GPATCH1: variants seen among roughly 807,000 people sequenced by gnomAD.
GPATCH1 encodes G patch domain-containing protein 1.
GPATCH1 carries 73 observed loss-of-function variants against 114.9 expected under a neutral mutation model. The observed-to-expected ratio is 0.64, with a 90% CI of 0.53 to 0.77. The LOEUF is 0.77. Ranked by LOEUF, GPATCH1 falls within the 30% of genes least tolerant of loss-of-function variation. GPATCH1 has a pLI of 0.00. For synonymous variants in GPATCH1, 391 were observed against 428.4 expected (o/e 0.91, Z 1.08); for missense variants, 1,058 against 1,144.3 (o/e 0.92, Z 1.09).
Position 33,126,645 on chromosome 19 carries a change from A to G in GPATCH1, c.2677A>G (p.Lys893Glu), listed in dbSNP as rs1973044367. 1 of 1,614,082 alleles carries G rather than the reference A, an allele frequency of 6.2e-7. No individual in the cohort carries two copies. The highest frequency in any genetic ancestry group is 8.5e-7 in the Non-Finnish European group (1 of 1,179,980). The change falls in exon 19 of 20, where the codon AAA becomes GAA. Residue 893 changes from lysine to glutamate, a missense_variant. Physicochemically the swap from Lys to Glu is moderately conservative, Grantham distance 56. This residue lies in a region of GPATCH1 where 893 missense variants were observed against 977.4 expected (regional missense o/e 0.91). Coordinates refer to ENST00000170564, the MANE Select transcript of GPATCH1 (RefSeq NM_018025.3). ...CAAGCAAAAGAATAAAAAACCAGAG[A>G]AAAGTAGTAGCTCCGAGAGTTCCGA... The part of the protein sequence containing the change: ...KGKQKNKKPE[K>E]SSSSESSDSS...
Position 33,101,513 on chromosome 19 carries a change from G to A in GPATCH1, c.1019G>A (p.Arg340Gln), listed in dbSNP as rs200016315. 1.0e-4 allele frequency: 161 copies of A among 1,592,948 alleles called. 1 individual carries two copies. In the South Asian group the frequency reaches 1.4e-3, roughly 14 times the overall value. ...KNQKESEKDL[R>Q]YVGKILDGFS... ...TTTGTAGAATCAGAGAAAGACCTTC[G>A]GTACGTTGGCAAAATTTTGGATGGA... is the stretch of plus-strand genomic sequence containing the variant. Residue 340 changes from arginine to glutamine, a missense_variant, in exon 9 of 20, where the codon CGG becomes CAG. By Grantham distance (43) the Arg-to-Gln change is conservative. This residue lies in a region of GPATCH1 where 893 missense variants were observed against 977.4 expected (regional missense o/e 0.91). Transcript: ENST00000170564.
rs1046367613 is a variant in GPATCH1, at chr19:33,130,066, G to A, written c.2766-64G>A. On this transcript the variant is annotated intron_variant, in intron 19 of 19. Transcript: ENST00000170564. ...GAGGCCTGGCATTCTCAGCCTCCAC[G>A]GAGCTGTTTGGTTTTTCACTTTAGC... 24 of 1,226,926 alleles carry A rather than the reference G, an allele frequency of 2.0e-5. No homozygotes were observed. In the African/African-American group the frequency reaches 3.0e-4, roughly 15 times the overall value. The allele number at this position is 1,226,926 out of a possible 1,614,324, so 76.0% of individuals were successfully genotyped here.
At position 33,119,086 on chromosome 19, in the gene GPATCH1, C is replaced by T. The variant is rs770047387; in HGVS notation, c.2490C>T (p.Phe830=). The change falls in exon 17 of 20, where the codon TTC becomes TTT. Residue 830 remains phenylalanine, a synonymous_variant. Transcript: ENST00000170564. The part of the protein sequence containing the change: ...QKMQIDEREE[F]GPRLPPVFCP... ...TGCAGATAGATGAAAGAGAAGAGTT[C>T]GGCCCGCGGCTGCCTCCCGTCTTCT... 5.0e-6 allele frequency: 8 copies of T among 1,611,690 alleles called. No homozygotes were observed. The highest frequency in any genetic ancestry group is 4.4e-5 in the South Asian group (4 of 90,948).
At chr19:33,099,293 CAT>C (rs1972697836) in intron 8 of GPATCH1, among the ~76,000 whole-genome samples, 1 of 151,384 alleles carries the variant, frequency 6.6e-6, no homozygotes, top group African/African-American at 2.4e-5. Context: ...TAATATACAA[CAT>C]ATTAATAACA....
At chr19:33,106,984 A>C in intron 10 of GPATCH1, 85 bp downstream of exon 10, 2 of 1,033,218 alleles carry the variant, frequency 1.9e-6, no homozygotes, top group South Asian at 1.5e-5. Context: ...TTCCCACTGA[A>C]GTTTTTTACA....
intron 2 of GPATCH1, among the ~76,000 whole-genome samples, chr19:33,088,523 T>A (rs890280851): frequency 1.3e-5 from 2 of 151,580 alleles, no homozygotes; most frequent in African/African-American, 4.8e-5. Flanking sequence ...TAAAAAAAAA[T>A]ACTTTTAGTA....
At chr19:33,082,951 A>C (rs994560066) in intron 1 of GPATCH1, among the ~76,000 whole-genome samples, 1 of 151,818 alleles carries the variant, frequency 6.6e-6, no homozygotes, top group Non-Finnish European at 1.5e-5. Flanking sequence ...TTAAAAATAG[A>C]GATGAGGCCG....
At position 33,126,628 on chromosome 19, in the gene GPATCH1, A is replaced by G; in HGVS notation, c.2660A>G (p.Lys887Arg). ...HRKHKHKGKQ[K>R]NKKPEKSSSS... ...AAGCACAAACACAAAGGCAAGCAAA[A>G]GAATAAAAAACCAGAGAAAAGTAGT... The change falls in exon 19 of 20, where the codon AAG (lysine) becomes AGG (arginine). Residue 887 changes from lysine to arginine, a missense_variant. By Grantham distance (26) the Lys-to-Arg change is conservative. This residue lies in a region of GPATCH1 where 893 missense variants were observed against 977.4 expected (regional missense o/e 0.91). Transcript: ENST00000170564. 1 of 1,614,008 alleles carries G rather than the reference A, an allele frequency of 6.2e-7. No individual in the cohort carries two copies. The highest frequency in any genetic ancestry group is 8.5e-7 in the Non-Finnish European group (1 of 1,179,962).
Position 33,130,206 on chromosome 19 carries a change from T to C in GPATCH1, c.*46T>C, listed in dbSNP as rs1568353694. On this transcript the variant is annotated 3_prime_UTR_variant, in exon 20 of 20. Coordinates refer to ENST00000170564, the MANE Select transcript of GPATCH1 (RefSeq NM_018025.3). Reference sequence around the variant, plus strand: ...TCCTAGAATCATTTCTCCTCCATGATGGAAGCCCAGTGATTGTTCAGTTAA... The same window carrying C: ...TCCTAGAATCATTTCTCCTCCATGACGGAAGCCCAGTGATTGTTCAGTTAA... 7.3e-7 allele frequency: 1 copy of C among 1,364,734 alleles called. No homozygotes were observed. The highest frequency in any genetic ancestry group is 1.0e-6 in the Non-Finnish European group (1 of 952,690). 84.5% of individuals were successfully genotyped at this position (1,364,734 alleles called of 1,614,324 possible). A position where few individuals can be genotyped will look rare whatever the true frequency, so the allele number is the denominator to read the frequency against.
At chr19:33,112,445 G>A (rs1972866537) in intron 12 of GPATCH1, 41 bp from the exon 13 acceptor site, 1 of 1,611,090 alleles carries the variant, frequency 6.2e-7, no homozygotes, top group Non-Finnish European at 8.5e-7. Context: ...CAGGTCAGTG[G>A]TGCGGCCACT....
At chr19:33,111,211 C>T (rs1173497208) in intron 11 of GPATCH1, among the ~76,000 whole-genome samples, 1 of 150,886 alleles carries the variant, frequency 6.6e-6, no homozygotes, top group African/African-American at 2.4e-5. Context: ...TTTTGTTTCC[C>T]GTCTCTACTA....
Position 33,097,778 on chromosome 19 carries a change from A to C in GPATCH1, c.876A>C (p.Glu292Asp). The change falls in exon 8 of 20, where the codon GAA becomes GAC. Residue 292 changes from glutamate to aspartate, a missense_variant. Physicochemically the swap from Glu to Asp is conservative, Grantham distance 45. Around this residue, in one of 3 missense-constraint regions of GPATCH1, gnomAD observed 893 missense variants for 977.4 expected, o/e 0.91. Coordinates refer to ENST00000170564, the MANE Select transcript of GPATCH1 (RefSeq NM_018025.3). ...AGGCTTTTGGTGTAGGTGCCCTGGA[A>C]GAGGAAGATGATGATATCTATGCCA... ...SGQAFGVGAL[E>D]EEDDDIYATE... 6.2e-7 allele frequency: 1 copy of C among 1,614,020 alleles called. No individual in the cohort carries two copies. Among genetic ancestry groups the C allele is most frequent in the Non-Finnish European group, 8.5e-7 (1 of 1,179,908 alleles).
intron 17 of GPATCH1, among the ~76,000 whole-genome samples, chr19:33,120,790 C>A (rs1486088268): frequency 6.6e-6 from 1 of 151,646 alleles, no homozygotes; most frequent in East Asian, 2.0e-4. Context: ...GAGATCGAGA[C>A]CATCCTGGCT....
intron 11 of GPATCH1, among the ~76,000 whole-genome samples, chr19:33,110,260 C>T (rs767550110): frequency 3.3e-5 from 5 of 152,170 alleles, no homozygotes; most frequent in Admixed American, 2.0e-4. Flanking sequence ...ACACAGCTGG[C>T]GGTGGCCGGT....
At chr19:33,112,896 TTGTTGCTG>T in intron 13 of GPATCH1, 1 of 272,124 alleles carries the variant, frequency 3.7e-6, no homozygotes, top group South Asian at 7.4e-5. Flanking sequence ...TGCCACCTTC[TTGTTGCTG>T]CTCATGTGGT....
intron 9 of GPATCH1, among the ~76,000 whole-genome samples, chr19:33,102,372 A>G (rs1972736964): frequency 6.6e-6 from 1 of 150,434 alleles, no homozygotes; most frequent in African/African-American, 2.5e-5. Flanking sequence ...CAGTAGCTAC[A>G]TTGTGATAAA....
chr19:33,081,824 G>A (rs1282237702), intron 1 of GPATCH1, among the ~76,000 whole-genome samples: 5 of 152,058 alleles, frequency 3.3e-5, no homozygotes, highest in African/African-American at 9.7e-5. Flanking sequence ...CTTGTACTAA[G>A]TGCAGGATTA....
In GPATCH1 at chr19:33,114,401, A is replaced by G. The variant is rs1298117148; in HGVS notation, c.2178A>G (p.Pro726=). Residue 726 remains proline, a synonymous_variant, in exon 15 of 20, where the codon CCA becomes CCG. Coordinates refer to ENST00000170564, the MANE Select transcript of GPATCH1 (RefSeq NM_018025.3). ...PLVNKEEEHA[P]ELSANQTVNK... ...TAAACAAAGAGGAAGAGCATGCACC[A>G]GAATTATCCGCAAATCAGGTATTTG... 1 of 1,601,830 alleles carries G rather than the reference A, an allele frequency of 6.2e-7. No individual in the cohort carries two copies. The highest frequency in any genetic ancestry group is 2.2e-5 in the East Asian group (1 of 44,806).
intron 8 of GPATCH1, chr19:33,100,036 G>T (rs2145315512): frequency 6.6e-6 from 1 of 152,082 alleles, no homozygotes; most frequent in South Asian, 2.1e-4. Context: ...CTCCCAGAGT[G>T]CTGGAATTAC....
Sources: allele counts gnomAD v4.1 joint callset (sites outside exome capture counted in the v4.1 genomes callset), GRCh38; gene constraint gnomAD v4.1.1; regional missense constraint gnomAD v4.1.1; transcripts MANE v1.5; gene names NCBI Gene and HGNC (gene_info 2026-07-23, HGNC 2026-07-21).